RAF1: variants seen among roughly 807,000 people sequenced by gnomAD.
RAF1 encodes Raf-1 proto-oncogene, serine/threonine kinase.
Under a neutral mutation model 81.1 loss-of-function variants are expected in RAF1, and 27 were observed. The ratio of observed to expected loss-of-function variants is 0.33; its 90% CI spans 0.25 to 0.46. The LOEUF (loss-of-function observed/expected upper bound fraction) is 0.46, where lower values mean the gene tolerates loss of function less well. Among genes scored for constraint, RAF1 ranks in the 20% least tolerant of loss-of-function variants. The probability of loss-of-function intolerance (pLI) is 1.00; values close to 1 mark genes in which losing one functional copy is unlikely to be tolerated. For missense variants in RAF1, 598 were observed against 826.0 expected (o/e 0.72, Z 3.38); for synonymous variants, 298 against 294.0 (o/e 1.01, Z -0.14).
chr3:12,655,001 C>CCCT (rs2060643010), intron 1 of RAF1, among the ~76,000 whole-genome samples: 1 of 46,666 alleles, frequency 2.1e-5, no homozygotes, highest in South Asian at 1.9e-3. Flanking sequence ...CATAGTGAGA[C>CCCT]CCCCCCCCCG....
At chr3:12,636,114 C>T (rs930414879) in intron 1 of RAF1, among the ~76,000 whole-genome samples, 6 of 151,402 alleles carry the variant, frequency 4.0e-5, no homozygotes, top group South Asian at 2.1e-4. Flanking sequence ...GGTGAAACCC[C>T]GTCTCTACCA....
intron 1 of RAF1, among the ~76,000 whole-genome samples, chr3:12,651,515 TC>T (rs2060524697): frequency 6.6e-6 from 1 of 151,654 alleles, no homozygotes; most frequent in Admixed American, 6.6e-5. Flanking sequence ...ATGCCCATAG[TC>T]CCAGCTACTC....
intron 12 of RAF1, 128 bp from the exon 12 acceptor site, chr3:12,591,102 C>T: frequency 2.4e-6 from 2 of 818,204 alleles, no homozygotes; most frequent in South Asian, 1.7e-5. Flanking sequence ...CCCCCAGTCC[C>T]AAAAACAAAC....
chr3:12,585,225 T>C lies in RAF1; in HGVS notation c.1625A>G (p.Asn542Ser), dbSNP rs1234355211. ...ATCCGACTGGAAACTGAATGGGTTG[T>C]TATCCTGCATTCGGATCACCTCTGG... The change falls in exon 16 of 18, where the codon AAC (asparagine) becomes AGC (serine). Residue 542 changes from asparagine (N) to serine (S), a missense_variant. By Grantham distance (46) the Asn-to-Ser change is conservative. Around this residue, in one of 5 missense-constraint regions of RAF1, gnomAD observed 147 missense variants for 196.1 expected, o/e 0.75. Transcript: ENST00000442415. 1.2e-6 allele frequency: 2 copies of C among 1,614,164 alleles called. No homozygotes were observed. The highest frequency in any genetic ancestry group is 1.1e-5 in the South Asian group (1 of 91,080).
intron 1 of RAF1, among the ~76,000 whole-genome samples, chr3:12,631,521 C>T (rs1446782599): frequency 6.6e-6 from 1 of 152,190 alleles, no homozygotes; most frequent in Non-Finnish European, 1.5e-5. Context: ...ATGGCATGAA[C>T]CCGGGAGGCG....
intron 1 of RAF1, among the ~76,000 whole-genome samples, chr3:12,621,682 G>A (rs990607629): frequency 1.4e-4 from 21 of 152,144 alleles, no homozygotes; most frequent in African/African-American, 4.6e-4. Context: ...CATATTCCTT[G>A]CAGCACTATT....
intron 1 of RAF1, among the ~76,000 whole-genome samples, chr3:12,639,496 C>G (rs1437494595): frequency 6.6e-6 from 1 of 152,166 alleles, no homozygotes; most frequent in African/African-American, 2.4e-5. Flanking sequence ...CCAAAATCTC[C>G]TTAAGCTGAC....
At chr3:12,591,092 C>T in intron 12 of RAF1, 118 bp from the exon 12 acceptor site, 1 of 917,212 alleles carries the variant, frequency 1.1e-6, no homozygotes, top group Non-Finnish European at 1.6e-6. Flanking sequence ...CCCAACACCA[C>T]CCCCAGTCCC....
chr3:12,592,693 A>T (rs989151938), intron 11 of RAF1, among the ~76,000 whole-genome samples: 15 of 149,764 alleles, frequency 1.0e-4, no homozygotes, highest in Non-Finnish European at 2.2e-4. Flanking sequence ...ACATCCAGGG[A>T]TCCATTCCAC....
chr3:12,595,050 T>G (rs2058643204), intron 11 of RAF1, among the ~76,000 whole-genome samples: 1 of 152,152 alleles, frequency 6.6e-6, no homozygotes, highest in Admixed American at 6.5e-5. Context: ...GGATTTCAAC[T>G]CTAATAAAGA....
chr3:12,591,146 G>A (rs2125344510), intron 12 of RAF1, among the ~76,000 whole-genome samples, 172 bp from the exon 12 acceptor site: 1 of 152,144 alleles, frequency 6.6e-6, no homozygotes, highest in East Asian at 1.9e-4. Flanking sequence ...GTGGCATTCT[G>A]AGCAAAGAGA....
In RAF1 at chr3:12,609,777, G is replaced by A. The variant is rs540660502; in HGVS notation, c.321-442C>T. Among the ~76,000 whole-genome samples the A allele has an allele frequency of 4.3e-4, 66 of 152,168 alleles. No individual in the cohort carries two copies. The South Asian group carries it at 8.9e-3, about 21-fold the overall frequency. On this transcript the variant is annotated intron_variant, in intron 3 of 17. Coordinates refer to ENST00000442415, the MANE Select transcript of RAF1 (RefSeq NM_001354689.3). ...ATTACAGGTGTGAACCACCATGTCTGGCCAGAATAAAGTTTTCTTTAAACA... is the reference window on the plus strand; with the variant it reads ...ATTACAGGTGTGAACCACCATGTCTAGCCAGAATAAAGTTTTCTTTAAACA...
intron 6 of RAF1, among the ~76,000 whole-genome samples, chr3:12,605,960 A>G (rs2059014714): frequency 6.6e-6 from 1 of 152,196 alleles, no homozygotes; most frequent in African/African-American, 2.4e-5. Context: ...ATATTAAGAA[A>G]TATGCTATGA....
intron 1 of RAF1, among the ~76,000 whole-genome samples, chr3:12,662,556 G>A (rs2060913689): frequency 6.6e-6 from 1 of 151,804 alleles, no homozygotes; most frequent in African/African-American, 2.4e-5. Context: ...AACAAAGACA[G>A]CCCCCTCACA....
Position 12,662,338 on chromosome 3 carries a change from TAAAAAAAAAAAAAAAA to T in RAF1, c.-27+1459_-27+1474del, listed in dbSNP as rs61275660. Among the ~76,000 whole-genome samples the T allele has an allele frequency of 6.3e-3, 634 of 100,914 alleles. 8 individuals carry two copies. The highest frequency in any genetic ancestry group is 0.023 in the African/African-American group (577 of 25,140). 66.2% of individuals were successfully genotyped at this position (100,914 alleles called of 152,430 possible). A position where few individuals can be genotyped will look rare whatever the true frequency, so the allele number is the denominator to read the frequency against. On this transcript the variant is annotated intron_variant, in intron 1 of 17. Coordinates refer to ENST00000442415, the MANE Select transcript of RAF1 (RefSeq NM_001354689.3). ...GCGACAGAGTGAGATCCTGTTCCTT[TAAAAAAAAAAAAAAAA>T]AAAAAAAAAAAAAAAAAAGTTTGCA...
chr3:12,596,351 A>G lies in RAF1; in HGVS notation c.1168+3340T>C, dbSNP rs147941376. On this transcript the variant is annotated intron_variant, in intron 11 of 17. Coordinates refer to ENST00000442415, the MANE Select transcript of RAF1 (RefSeq NM_001354689.3). ...TGGGATTACAGGCGCATGCCATCACACCCGGCTAATTTTTTTATTTTTAGT... is the reference window on the plus strand; with the variant it reads ...TGGGATTACAGGCGCATGCCATCACGCCCGGCTAATTTTTTTATTTTTAGT... Among the ~76,000 whole-genome samples the G allele has an allele frequency of 7.0e-4, 106 of 151,368 alleles. 1 individual carries two copies. The East Asian group carries it at 0.02, about 29-fold the overall frequency.
chr3:12,646,555 C>CT (rs35503570), intron 1 of RAF1, among the ~76,000 whole-genome samples: 19,871 of 142,310 alleles, frequency 0.14, 1,591 homozygotes, highest in Admixed American at 0.25. Context: ...TTGTATTTGT[C>CT]TTTTTTTTTT....
intron 1 of RAF1, among the ~76,000 whole-genome samples, chr3:12,650,962 G>C (rs1471154399): frequency 6.6e-6 from 1 of 152,184 alleles, no homozygotes; most frequent in African/African-American, 2.4e-5. Context: ...TAACGCAGAG[G>C]TAAAACAAAA....
intron 6 of RAF1, 116 bp downstream of exon 6, chr3:12,606,085 G>C: frequency 2.7e-6 from 2 of 738,058 alleles, no homozygotes; most frequent in Non-Finnish European, 2.4e-6. Context: ...GAAGCAGCAA[G>C]GGGTTTCCAC....
Sources: allele counts gnomAD v4.1 joint callset (sites outside exome capture counted in the v4.1 genomes callset), GRCh38; gene constraint gnomAD v4.1.1; regional missense constraint gnomAD v4.1.1; transcripts MANE v1.5; gene names NCBI Gene and HGNC (gene_info 2026-07-23, HGNC 2026-07-21).